Variants in LIPC observed in about 807,000 individuals in gnomAD.
LIPC encodes hepatic triacylglycerol lipase.
LIPC carries 44 observed loss-of-function variants against 50.7 expected under a neutral mutation model. The ratio of observed to expected loss-of-function variants is 0.87; its 90% CI spans 0.68 to 1.11. The LOEUF is 1.11. Among genes scored for constraint, LIPC ranks in the 50% most tolerant of loss-of-function variants. The probability of loss-of-function intolerance (pLI) is 0.00; values close to 1 mark genes in which losing one functional copy is unlikely to be tolerated. For missense variants in LIPC, 697 were observed against 648.2 expected, an observed-to-expected ratio of 1.08 and a Z score of -0.82; for synonymous variants, 271 against 256.4, an observed-to-expected ratio of 1.06 and a Z score of -0.54.
At position 58,535,120 on chromosome 15, in the gene LIPC, G is replaced by A. The variant is rs566865583; in HGVS notation, c.89-3213G>A. 3.9e-5 allele frequency among the ~76,000 whole-genome samples: 6 copies of A among 152,302 alleles called. No homozygotes were observed. The South Asian group carries it at 8.3e-4, about 21-fold the overall frequency. On this transcript the variant is annotated intron_variant, in intron 1 of 8. Transcript: ENST00000299022. ...TTTCCTCCATCTAGACTTGACTGATGCTTTATCTTCTCTCGACCTCTTCCC... is the reference window on the plus strand; with the variant it reads ...TTTCCTCCATCTAGACTTGACTGATACTTTATCTTCTCTCGACCTCTTCCC...
At chr15:58,494,928 C>T in intron 1 of LIPC, 2 of 454,136 alleles carry the variant, frequency 4.4e-6, no homozygotes, top group Non-Finnish European at 8.9e-6. Flanking sequence ...TCCAGTCCCT[C>T]ACTGGGCTAT....
intron 1 of LIPC, among the ~76,000 whole-genome samples, chr15:58,470,837 G>A (rs1390338483): frequency 2.6e-5 from 4 of 152,152 alleles, no homozygotes; most frequent in African/African-American, 4.8e-5. Context: ...TCCTGACCTC[G>A]TGATCCGCCC....
At chr15:58,476,755 C>T (rs970631137) in intron 1 of LIPC, among the ~76,000 whole-genome samples, 3 of 152,226 alleles carry the variant, frequency 2.0e-5, no homozygotes, top group Non-Finnish European at 4.4e-5. Context: ...TCTTTTTCCC[C>T]ACCTATGAAA....
chr15:58,567,214 A>AT lies in LIPC; in HGVS notation c.1389-1502_1389-1501insT, dbSNP rs1555408053. On this transcript the variant is annotated intron_variant, in intron 8 of 8. Coordinates refer to ENST00000299022, the MANE Select transcript of LIPC (RefSeq NM_000236.3). ...AGACTCCGTCTCAAAAAAAATAAAAAATATATATATATATATGTATATATG... is the reference window on the plus strand; with the variant it reads ...AGACTCCGTCTCAAAAAAAATAAAAATATATATATATATATATGTATATATG... 4.6e-3 allele frequency among the ~76,000 whole-genome samples: 634 copies of AT among 136,736 alleles called. 26 individuals are homozygous for AT. Among genetic ancestry groups the AT allele is most frequent in the African/African-American group, 0.014 (513 of 36,838 alleles). 89.7% of individuals were successfully genotyped at this position (136,736 alleles called of 152,430 possible).
At chr15:58,542,732 T>C in intron 4 of LIPC, 81 bp downstream of exon 4, 1 of 884,608 alleles carries the variant, frequency 1.1e-6, no homozygotes, top group Non-Finnish European at 1.9e-6. Context: ...AACAGGCTCA[T>C]CATTAAAACA....
intron 1 of LIPC, among the ~76,000 whole-genome samples, chr15:58,503,101 G>T (rs911811796): frequency 1.3e-5 from 2 of 152,094 alleles, no homozygotes; most frequent in Non-Finnish European, 2.9e-5. Context: ...CTGAGCTATG[G>T]ACAATAAATG....
chr15:58,450,441 A>T (rs567712845), intron 1 of LIPC, among the ~76,000 whole-genome samples: 27 of 152,284 alleles, frequency 1.8e-4, no homozygotes, highest in African/African-American at 5.1e-4. Flanking sequence ...AGCATTAGAG[A>T]CCAATCATGG....
rs558502334 is a variant in LIPC at position 58,470,781 on chromosome 15, G to A, written c.88+38661G>A. Reference sequence around the variant, plus strand: ...CACACAGCTAATTTTTATATTTTTAGTAGACATGGGATTTCACTCTATTAG... The same window carrying A: ...CACACAGCTAATTTTTATATTTTTAATAGACATGGGATTTCACTCTATTAG... On this transcript the variant is annotated intron_variant, in intron 1 of 8. Coordinates refer to ENST00000299022, the MANE Select transcript of LIPC (RefSeq NM_000236.3). Among the ~76,000 whole-genome samples, 3 of 152,108 alleles carry A rather than the reference G, an allele frequency of 2.0e-5. No homozygotes were observed. In the East Asian group the frequency reaches 5.8e-4, roughly 29 times the overall value.
rs1869129 is a variant in LIPC, at chr15:58,561,164, C to T, written c.1169+183C>T. On this transcript the variant is annotated intron_variant, in intron 7 of 8. Transcript: ENST00000299022. ...TATTTTGCCAAGGTTAAAGACATTA[C>T]CGTGACACAGCCTCAGGAGGTCCTG... Among the ~76,000 whole-genome samples, 140,809 of 152,238 alleles carry T rather than the reference C, an allele frequency of 0.92. 65,667 individuals carry two copies. The highest frequency in any genetic ancestry group is 0.99 in the Non-Finnish European group (67,013 of 68,026).
intron 1 of LIPC, among the ~76,000 whole-genome samples, chr15:58,498,264 G>C (rs569876685): frequency 6.6e-6 from 1 of 152,224 alleles, no homozygotes; most frequent in Admixed American, 6.5e-5. Context: ...ACAGCCAGCT[G>C]GACCCCACCT....
At chr15:58,494,738 G>A (rs1328412666) in intron 1 of LIPC, 4 of 455,560 alleles carry the variant, frequency 8.8e-6, no homozygotes, top group Non-Finnish European at 1.8e-5. Context: ...TCTCTTTAAT[G>A]ACCTGTTAAA....
intron 6 of LIPC, among the ~76,000 whole-genome samples, chr15:58,558,117 G>A (rs1476549900): frequency 6.6e-6 from 1 of 151,402 alleles, no homozygotes; most frequent in African/African-American, 2.4e-5. Context: ...CCTGTCACCA[G>A]GCTGGAGTGC....
At chr15:58,509,215 TG>T (rs1358394723) in intron 1 of LIPC, among the ~76,000 whole-genome samples, 1 of 152,214 alleles carries the variant, frequency 6.6e-6, no homozygotes, top group African/African-American at 2.4e-5. Context: ...AATCCATCAA[TG>T]TCACCAGCTT....
intron 1 of LIPC, chr15:58,454,721 C>T (rs1408647226): frequency 6.6e-6 from 1 of 152,256 alleles, no homozygotes; most frequent in Non-Finnish European, 1.5e-5. Context: ...AAGACCCTCC[C>T]ATGCCCTTAC....
chr15:58,563,365 A>G (rs746130970), intron 7 of LIPC, 140 bp from the exon 8 acceptor site: 1 of 722,834 alleles, frequency 1.4e-6, no homozygotes, highest in Non-Finnish European at 2.5e-6. Flanking sequence ...CTCTATCAAT[A>G]GTCTGTTGAA....
At chr15:58,519,233 C>T (rs1213856734) in intron 1 of LIPC, among the ~76,000 whole-genome samples, 1 of 151,808 alleles carries the variant, frequency 6.6e-6, no homozygotes, top group Non-Finnish European at 1.5e-5. Context: ...ATGGTGAAAC[C>T]CTTTCTCTAC....
intron 3 of LIPC, 79 bp from the exon 4 acceptor site, chr15:58,542,455 G>A (rs565741931): frequency 1.0e-5 from 9 of 902,998 alleles, no homozygotes; most frequent in African/African-American, 1.6e-5. Flanking sequence ...AACAGGGTGG[G>A]CGCCACAACA....
chr15:58,471,279 G>T (rs922362918), intron 1 of LIPC, among the ~76,000 whole-genome samples: 1 of 141,950 alleles, frequency 7.0e-6, no homozygotes, highest in Non-Finnish European at 1.5e-5. Flanking sequence ...TGGGATTACA[G>T]GCACTCGCCA....
At chr15:58,554,000 A>G (rs1893848521) in intron 6 of LIPC, among the ~76,000 whole-genome samples, 1 of 148,886 alleles carries the variant, frequency 6.7e-6, no homozygotes, top group African/African-American at 2.5e-5. Flanking sequence ...CGGAGGGGGA[A>G]AAAAAAAAAG....
Sources: gnomAD v4.1 joint callset for allele counts (sites outside exome capture counted in the v4.1 genomes callset) on GRCh38, gnomAD v4.1.1 for gene constraint, MANE v1.5 for transcripts, NCBI Gene and HGNC (gene_info 2026-07-23, HGNC 2026-07-21) for gene names.